The following CERKL variants were observed in gnomAD, a reference collection of about 807,000 sequenced individuals.
The protein encoded by CERKL is ceramide kinase-like protein.
In CERKL, 61 loss-of-function variants were observed where a neutral mutation model predicts 63.4. The ratio of observed to expected loss-of-function variants is 0.96; its 90% CI spans 0.78 to 1.19. The LOEUF (loss-of-function observed/expected upper bound fraction) is 1.19. Among genes scored for constraint, CERKL ranks in the 50% most tolerant of loss-of-function variants. CERKL has a pLI of 0.00. For missense variants in CERKL, 675 were observed against 655.5 expected, an observed-to-expected ratio of 1.03 and a Z score of -0.33; for synonymous variants, 250 against 230.5, an observed-to-expected ratio of 1.08 and a Z score of -0.77.
chr2:181,638,221 A>G (rs1293410062), intron 1 of CERKL, among the ~76,000 whole-genome samples: 1 of 152,210 alleles, frequency 6.6e-6, no homozygotes, highest in Non-Finnish European at 1.5e-5. Flanking sequence ...CAAGGTACAC[A>G]TAGGGGAAGT....
intron 1 of CERKL, among the ~76,000 whole-genome samples, chr2:181,639,327 C>G (rs1687321160): frequency 6.6e-6 from 1 of 152,104 alleles, no homozygotes; most frequent in African/African-American, 2.4e-5. Context: ...ACTGTTTAAA[C>G]TCAGTAATGG....
intron 2 of CERKL, among the ~76,000 whole-genome samples, chr2:181,585,843 A>AAAG (rs1481004678): frequency 2.6e-5 from 4 of 152,222 alleles, no homozygotes; most frequent in Admixed American, 6.5e-5. Context: ...AGTGGACCTG[A>AAAG]AAGCAGCAGC....
chr2:181,598,346 G>C (rs1359734365), intron 2 of CERKL, among the ~76,000 whole-genome samples: 1 of 152,108 alleles, frequency 6.6e-6, no homozygotes, highest in Non-Finnish European at 1.5e-5. Context: ...ACTATGGCTG[G>C]GAACCCAAGG....
intron 5 of CERKL, among the ~76,000 whole-genome samples, chr2:181,555,470 G>C (rs373266639): frequency 2.6e-5 from 4 of 152,052 alleles, no homozygotes; most frequent in African/African-American, 9.7e-5. Flanking sequence ...AGAATTATCA[G>C]ATTATATCTG....
intron 5 of CERKL, among the ~76,000 whole-genome samples, chr2:181,552,037 T>C (rs775851225): frequency 6.6e-6 from 1 of 152,168 alleles, no homozygotes; most frequent in Admixed American, 6.6e-5. Context: ...GAGGACATTA[T>C]GCTAGGTGAA....
intron 11 of CERKL, among the ~76,000 whole-genome samples, chr2:181,541,706 TAAGGTG>T: frequency 6.6e-6 from 1 of 152,190 alleles, no homozygotes; most frequent in Non-Finnish European, 1.5e-5. Flanking sequence ...AAGTTTGAAT[TAAGGTG>T]AGGGAGAAAT....
At chr2:181,645,468 A>T (rs1476874914) in intron 1 of CERKL, among the ~76,000 whole-genome samples, 2 of 152,238 alleles carry the variant, frequency 1.3e-5, no homozygotes, top group Non-Finnish European at 2.9e-5. Context: ...GTTCACTGGG[A>T]GGCCATACTG....
At chr2:181,563,944 A>T (rs769069350) in intron 4 of CERKL, among the ~76,000 whole-genome samples, 1 of 152,066 alleles carries the variant, frequency 6.6e-6, no homozygotes, top group Non-Finnish European at 1.5e-5. Context: ...GGTACCAAGG[A>T]CTTTTTTGTG....
intron 2 of CERKL, among the ~76,000 whole-genome samples, chr2:181,597,963 A>T (rs1250198471): frequency 6.6e-6 from 1 of 152,190 alleles, no homozygotes; most frequent in Non-Finnish European, 1.5e-5. Context: ...GCACAGTGCC[A>T]ATCGCTAAAG....
intron 2 of CERKL, among the ~76,000 whole-genome samples, chr2:181,586,018 A>C (rs1054041078): frequency 6.6e-6 from 1 of 152,184 alleles, no homozygotes; most frequent in Non-Finnish European, 1.5e-5. Context: ...ACCAGTAAGG[A>C]AAGATGAAGC....
At position 181,537,182 on chromosome 2, in the gene CERKL, T is replaced by C. The variant is rs1687170264; in HGVS notation, c.*1002A>G. On this transcript the variant is annotated 3_prime_UTR_variant, in exon 13 of 13. Transcript: ENST00000410087. Reference sequence around the variant, plus strand: ...CATTCTTTCAGGAGAACATCTAGGATCATAGATGAAAAATCAAGCCCCGAT... The same window carrying C: ...CATTCTTTCAGGAGAACATCTAGGACCATAGATGAAAAATCAAGCCCCGAT... 2.2e-6 allele frequency: 1 copy of C among 453,570 alleles called. No homozygotes were observed. Among genetic ancestry groups the C allele is most frequent in the African/African-American group, 2.0e-5 (1 of 49,992 alleles). 28.1% of individuals were successfully genotyped at this position (453,570 alleles called of 1,614,324 possible). A position where few individuals can be genotyped will look rare whatever the true frequency, so the allele number is the denominator to read the frequency against.
chr2:181,540,652 A>T (rs1185247102), intron 11 of CERKL, among the ~76,000 whole-genome samples: 1 of 152,194 alleles, frequency 6.6e-6, no homozygotes, highest in African/African-American at 2.4e-5. Flanking sequence ...AGCAGTTGTC[A>T]TGTGCACTCC....
intron 1 of CERKL, among the ~76,000 whole-genome samples, chr2:181,649,312 G>C (rs889128233): frequency 3.9e-5 from 6 of 151,942 alleles, no homozygotes; most frequent in Non-Finnish European, 8.8e-5. Flanking sequence ...AGACAAAGAA[G>C]GTCATAATAT....
chr2:181,643,657 G>A (rs935826136), intron 1 of CERKL, among the ~76,000 whole-genome samples: 11 of 152,086 alleles, frequency 7.2e-5, no homozygotes, highest in Non-Finnish European at 1.6e-4. Context: ...ATCCCTAAAG[G>A]GCCGTCATTT....
At chr2:181,565,803 T>C (rs556867179) in intron 4 of CERKL, among the ~76,000 whole-genome samples, 11 of 152,274 alleles carry the variant, frequency 7.2e-5, no homozygotes, top group African/African-American at 9.6e-5. Flanking sequence ...TTAGTAAGTA[T>C]AGAGTAGTAC....
Position 181,619,111 on chromosome 2 carries a change from ATTCAT to A in CERKL, c.239-15037_239-15033del, listed in dbSNP as rs200364328. Among the ~76,000 whole-genome samples the A allele has an allele frequency of 8.0e-3, 1,212 of 152,260 alleles. 5 individuals carry two copies. Among genetic ancestry groups the A allele is most frequent in the Non-Finnish European group, 0.012 (845 of 68,016 alleles). Reference sequence around the variant, plus strand: ...AATGTGATTGGCTTTCATCATTTTCATTCATTTCAAGAAGGGCAATTTTGTTGAGA... The same window carrying A: ...AATGTGATTGGCTTTCATCATTTTCATTCAAGAAGGGCAATTTTGTTGAGA... On this transcript the variant is annotated intron_variant, in intron 1 of 12. Coordinates refer to ENST00000410087, the MANE Select transcript of CERKL (RefSeq NM_201548.5).
chr2:181,571,727 CAG>C (rs1688911899), intron 3 of CERKL, among the ~76,000 whole-genome samples: 1 of 152,096 alleles, frequency 6.6e-6, no homozygotes, highest in African/African-American at 2.4e-5. Flanking sequence ...TTCTCCCTAA[CAG>C]AATCCAGATT....
At chr2:181,636,346 C>G (rs1687179288) in intron 1 of CERKL, among the ~76,000 whole-genome samples, 1 of 152,098 alleles carries the variant, frequency 6.6e-6, no homozygotes, top group Non-Finnish European at 1.5e-5. Flanking sequence ...CCCTTGCATC[C>G]AGGCTTACCT....
intron 1 of CERKL, among the ~76,000 whole-genome samples, chr2:181,620,322 C>T (rs997185024): frequency 8.5e-5 from 13 of 152,108 alleles, no homozygotes; most frequent in Non-Finnish European, 2.9e-5. Flanking sequence ...TCATTATTGT[C>T]AGCCAAGGTA....
Sources: allele counts gnomAD v4.1 joint callset (sites outside exome capture counted in the v4.1 genomes callset), GRCh38; gene constraint gnomAD v4.1.1; transcripts MANE v1.5; gene names NCBI Gene and HGNC (gene_info 2026-07-23, HGNC 2026-07-21).